COL5A2: variants seen among roughly 807,000 people sequenced by gnomAD.
COL5A2 encodes the protein collagen alpha-2(V) chain.
A neutral mutation model predicts 208.2 loss-of-function variants in COL5A2; 23 were observed. That is an observed-to-expected ratio of 0.11 (90% CI 0.08 to 0.16). COL5A2 has a LOEUF of 0.16. Ranked by LOEUF, COL5A2 falls within the 10% of genes least tolerant of loss-of-function variation. The probability of loss-of-function intolerance (pLI) is 1.00; values close to 1 mark genes in which losing one functional copy is unlikely to be tolerated. For missense variants in COL5A2, 1,590 were observed against 1,956.4 expected (o/e 0.81, Z 3.53); for synonymous variants, 625 against 628.5 (o/e 0.99, Z 0.08).
chr2:189,348,426 C>G, the COL5A2 span, among the ~76,000 whole-genome samples: 1 of 152,024 alleles, frequency 6.6e-6, no homozygotes, highest in African/African-American at 2.4e-5. Context: ...GATGTTTCAG[C>G]TGATGGAGAA....
chr2:189,288,610 C>T, the COL5A2 span, among the ~76,000 whole-genome samples: 185 of 152,242 alleles, frequency 1.2e-3, no homozygotes, highest in Non-Finnish European at 2.3e-3. Context: ...CCTAGAGCCT[C>T]GTGGCTTCAC....
chr2:189,413,138 A>T, the COL5A2 span, among the ~76,000 whole-genome samples: 1 of 152,248 alleles, frequency 6.6e-6, no homozygotes, highest in Non-Finnish European at 1.5e-5. Context: ...GATTAGAAAG[A>T]TAGGTCGGGT....
At chr2:189,134,192 T>C (rs1303331489) in intron 1 of COL5A2, among the ~76,000 whole-genome samples, 2 of 152,224 alleles carry the variant, frequency 1.3e-5, no homozygotes. Context: ...ACCAGCCAGC[T>C]GGCCTTTACA....
the COL5A2 span, among the ~76,000 whole-genome samples, chr2:189,303,566 G>A: frequency 6.6e-6 from 1 of 151,960 alleles, no homozygotes; most frequent in African/African-American, 2.4e-5. Context: ...GGCCTGAGAA[G>A]GACTCTGTAC....
At chr2:189,419,999 G>A in the COL5A2 span, among the ~76,000 whole-genome samples, 1 of 142,026 alleles carries the variant, frequency 7.0e-6, no homozygotes, top group Non-Finnish European at 1.5e-5. Context: ...GAGGAGAGGA[G>A]AGAGGAGGAG....
chr2:189,056,931 G>A (rs1045988032), intron 35 of COL5A2, 42 bp downstream of exon 35: 1 of 1,591,218 alleles, frequency 6.3e-7, no homozygotes, highest in Non-Finnish European at 8.6e-7. Flanking sequence ...ATACTGTAAT[G>A]TTGGTTCCTA....
intron 1 of COL5A2, 70 bp from the exon 2 acceptor site, chr2:189,110,519 A>G: frequency 6.9e-7 from 1 of 1,442,794 alleles, no homozygotes; most frequent in Non-Finnish European, 9.6e-7. Context: ...AAGGTGAGCC[A>G]TCTTGTGGAT....
chr2:189,038,093 T>G (rs938391020), intron 51 of COL5A2, among the ~76,000 whole-genome samples: 1 of 152,124 alleles, frequency 6.6e-6, no homozygotes, highest in Non-Finnish European at 1.5e-5. Context: ...CATGGGGATA[T>G]TGTATGATGC....
At chr2:189,311,495 C>T in the COL5A2 span, 25 of 1,074,420 alleles carry the variant, frequency 2.3e-5, no homozygotes, top group East Asian at 9.9e-5. Flanking sequence ...TCCCTCTGCC[C>T]GAGTCTGTGC....
intron 1 of COL5A2, among the ~76,000 whole-genome samples, chr2:189,122,110 CTT>C (rs1261628990): frequency 3.9e-5 from 6 of 152,264 alleles, no homozygotes; most frequent in Non-Finnish European, 7.4e-5. Flanking sequence ...TAAAGTCACT[CTT>C]TTAACAAATA....
chr2:189,434,745 T>C, the COL5A2 span, among the ~76,000 whole-genome samples: 4 of 152,288 alleles, frequency 2.6e-5, no homozygotes, highest in African/African-American at 9.6e-5. Flanking sequence ...AAAATGGCCA[T>C]ACTGCCCAAG....
At chr2:189,068,739 A>T in intron 19 of COL5A2, 47 bp downstream of exon 19, 1 of 1,323,634 alleles carries the variant, frequency 7.6e-7, no homozygotes, top group South Asian at 1.2e-5. Flanking sequence ...ATGTTACAAG[A>T]AATGTCCAGC....
At chr2:189,383,908 C>T in the COL5A2 span, among the ~76,000 whole-genome samples, 85,732 of 151,838 alleles carry the variant, frequency 0.56, 26,024 homozygotes, top group East Asian at 0.69. Context: ...ATCCAACCCT[C>T]CCCCCATTCA....
At chr2:189,129,264 C>T (rs1166686597) in intron 1 of COL5A2, among the ~76,000 whole-genome samples, 2 of 152,046 alleles carry the variant, frequency 1.3e-5, no homozygotes. Flanking sequence ...GTGTCTTCAG[C>T]CTGTTTTTCT....
chr2:189,426,353 A>T, the COL5A2 span, among the ~76,000 whole-genome samples: 10 of 152,208 alleles, frequency 6.6e-5, no homozygotes, highest in Non-Finnish European at 1.0e-4. Flanking sequence ...ATACATTTCT[A>T]ATTGCATCCT....
At chr2:189,083,937 T>C (rs374886217) in intron 12 of COL5A2, 47 bp downstream of exon 12, 3 of 1,350,698 alleles carry the variant, frequency 2.2e-6, no homozygotes, top group East Asian at 2.3e-5. Flanking sequence ...TTTAATTCAA[T>C]GTTCTTTATT....
chr2:189,214,698 C>T (rs972533981), intron 1 of COL5A2, among the ~76,000 whole-genome samples: 5 of 152,148 alleles, frequency 3.3e-5, no homozygotes, highest in Non-Finnish European at 4.4e-5. Flanking sequence ...TAAGGCAGGG[C>T]AGGCAAGACA....
At chr2:189,231,999 C>T in the COL5A2 span, among the ~76,000 whole-genome samples, 1 of 151,640 alleles carries the variant, frequency 6.6e-6, no homozygotes, top group Non-Finnish European at 1.5e-5. Flanking sequence ...CTGTCCTGCT[C>T]CATTTGGGCA....
At chr2:189,085,429 C>T (rs892454077) in intron 10 of COL5A2, among the ~76,000 whole-genome samples, 2 of 152,218 alleles carry the variant, frequency 1.3e-5, no homozygotes, top group African/African-American at 2.4e-5. Flanking sequence ...TATAATTGCA[C>T]AAAAGCAAAT....
Sources: allele counts gnomAD v4.1 joint callset (sites outside exome capture counted in the v4.1 genomes callset), GRCh38; gene constraint gnomAD v4.1.1; transcripts MANE v1.5; gene names NCBI Gene and HGNC (gene_info 2026-07-23, HGNC 2026-07-21).